The following PLEKHH2 variants were observed in gnomAD, a reference collection of about 807,000 sequenced individuals.
The protein encoded by PLEKHH2 is pleckstrin homology domain-containing family H member 2.
A neutral mutation model predicts 187.9 loss-of-function variants in PLEKHH2; 129 were observed. That is an observed-to-expected ratio of 0.69 (90% CI 0.59 to 0.79). The LOEUF (loss-of-function observed/expected upper bound fraction) is 0.79. Ranked by LOEUF, PLEKHH2 falls within the 30% of genes least tolerant of loss-of-function variation. The pLI is 0.00. For synonymous variants in PLEKHH2, 686 were observed against 605.6 expected (o/e 1.13, Z -1.95); for missense variants, 2,076 against 1,751.2 (o/e 1.19, Z -3.31).
At chr2:43,731,684 C>T (rs572422796) in intron 19 of PLEKHH2, 82 bp downstream of exon 19, 3 of 953,928 alleles carry the variant, frequency 3.1e-6, no homozygotes, top group East Asian at 5.9e-5. Context: ...TTAAAAATAA[C>T]ATTTTGGGTT....
At chr2:43,723,797 G>C (rs560137814) in intron 16 of PLEKHH2, among the ~76,000 whole-genome samples, 1 of 152,298 alleles carries the variant, frequency 6.6e-6, no homozygotes, top group Admixed American at 6.5e-5. Flanking sequence ...AGGGCTTTGA[G>C]CGGAACAGGG....
At chr2:43,666,571 T>C (rs1667228309) in intron 2 of PLEKHH2, among the ~76,000 whole-genome samples, 1 of 152,226 alleles carries the variant, frequency 6.6e-6, no homozygotes, top group Non-Finnish European at 1.5e-5. Flanking sequence ...TTCCTACCAG[T>C]AATGCTTGAG....
intron 2 of PLEKHH2, chr2:43,675,495 A>G (rs1262377972): frequency 6.2e-6 from 10 of 1,614,020 alleles, no homozygotes; most frequent in Non-Finnish European, 5.9e-6. Context: ...GGGTCAGTCC[A>G]TTGAAAGTAA....
chr2:43,763,642 G>A lies in PLEKHH2; in HGVS notation c.4159-586G>A, dbSNP rs149869363. 9.2e-3 allele frequency among the ~76,000 whole-genome samples: 1,384 copies of A among 150,654 alleles called. 19 individuals carry two copies. The highest frequency in any genetic ancestry group is 0.033 in the African/African-American group (1,338 of 40,832). ...GGTCTCCCTATGTTGCCCAGGCTAG[G>A]CTCAAGTGATCCTCCCACCTCAGCC... On this transcript the variant is annotated intron_variant, in intron 28 of 29. Transcript: ENST00000282406.
intron 8 of PLEKHH2, among the ~76,000 whole-genome samples, chr2:43,701,629 A>G (rs7573490): frequency 0.27 from 41,140 of 151,718 alleles, 6,274 homozygotes; most frequent in African/African-American, 0.4. Context: ...TTTCCAAAGT[A>G]TCTTTCTACA....
intron 14 of PLEKHH2, 68 bp from the exon 15 acceptor site, chr2:43,712,157 A>G: frequency 6.5e-7 from 1 of 1,545,850 alleles, no homozygotes; most frequent in Non-Finnish European, 8.9e-7. Context: ...TGAATAATGA[A>G]CAAGGAAATG....
At chr2:43,691,283 G>A (rs752589007) in intron 3 of PLEKHH2, among the ~76,000 whole-genome samples, 7 of 152,248 alleles carry the variant, frequency 4.6e-5, no homozygotes, top group South Asian at 2.1e-4. Flanking sequence ...GCTTTTAGCG[G>A]AGAGGGGATG....
chr2:43,747,110 C>CTG (rs1671815723), intron 24 of PLEKHH2, among the ~76,000 whole-genome samples: 1 of 71,890 alleles, frequency 1.4e-5, no homozygotes, highest in African/African-American at 6.7e-5. Flanking sequence ...CTCTCTCTCC[C>CTG]TCTCTCTCTC....
rs1669887895 is a variant in PLEKHH2, at chr2:43,710,223, C to A, written c.2107C>A (p.Pro703Thr). Residue 703 changes from proline to threonine, a missense_variant, in exon 13 of 30, where the codon CCA becomes ACA. Coordinates refer to ENST00000282406, the MANE Select transcript of PLEKHH2 (RefSeq NM_172069.4). ...SSSSDNGKNE[P>T]LEKSGYLLKM... ...TTGTCTATCTTTTAAAAATTAGGAA[C>A]CACTGGAAAAATCTGGTTATTTATT... 1.2e-6 allele frequency: 2 copies of A among 1,613,592 alleles called. No individual in the cohort carries two copies. Among genetic ancestry groups the A allele is most frequent in the African/African-American group, 1.3e-5 (1 of 74,984 alleles).
intron 8 of PLEKHH2, among the ~76,000 whole-genome samples, chr2:43,701,736 GAAATA>G (rs1353912582): frequency 1.4e-5 from 2 of 146,712 alleles, no homozygotes; most frequent in Non-Finnish European, 3.0e-5. Context: ...TCCAATATTT[GAAATA>G]AAATGAAATG....
intron 2 of PLEKHH2, chr2:43,675,724 T>C: frequency 6.2e-7 from 1 of 1,613,932 alleles, no homozygotes; most frequent in Non-Finnish European, 8.5e-7. Flanking sequence ...CTCAGAGTTA[T>C]CGAGAAGTCT....
intron 14 of PLEKHH2, chr2:43,711,188 T>C: frequency 1.0e-6 from 1 of 985,570 alleles, no homozygotes; most frequent in Non-Finnish European, 1.2e-6. Context: ...ACTTTATTTC[T>C]GAAATGTCTT....
chr2:43,652,306 G>A (rs1666516390), intron 2 of PLEKHH2, among the ~76,000 whole-genome samples: 1 of 152,166 alleles, frequency 6.6e-6, no homozygotes. Flanking sequence ...AGTCTTTCAT[G>A]TCACTCCGCC....
At position 43,729,696 on chromosome 2, in the gene PLEKHH2, T is replaced by G. The variant is rs1165622286; in HGVS notation, c.2781T>G (p.Ser927=). ...AAGSNNVNVG[S]EFEQLVCKLL... ...GAAGCAACAATGTAAACGTTGGATCTGAATTTGAACAACTGGTTTGCAAAT... is the reference window on the plus strand; with the variant it reads ...GAAGCAACAATGTAAACGTTGGATCGGAATTTGAACAACTGGTTTGCAAAT... The change falls in exon 18 of 30, where the codon TCT becomes TCG. Residue 927 remains serine, a synonymous_variant. Transcript: ENST00000282406. 6.2e-7 allele frequency: 1 copy of G among 1,609,846 alleles called. No homozygotes were observed. Among genetic ancestry groups the G allele is most frequent in the Non-Finnish European group, 8.5e-7 (1 of 1,178,726 alleles).
At chr2:43,655,494 T>C (rs1392292608) in intron 2 of PLEKHH2, among the ~76,000 whole-genome samples, 2 of 152,216 alleles carry the variant, frequency 1.3e-5, no homozygotes. Context: ...ATTTGAACTT[T>C]CATGAAGCTC....
chr2:43,754,753 A>G (rs1161391005), intron 25 of PLEKHH2, among the ~76,000 whole-genome samples: 2 of 152,086 alleles, frequency 1.3e-5, no homozygotes, highest in African/African-American at 4.8e-5. Context: ...TCTTCACGCT[A>G]CACTCTGTCC....
chr2:43,667,221 C>G (rs1667262019), intron 2 of PLEKHH2, among the ~76,000 whole-genome samples: 1 of 152,198 alleles, frequency 6.6e-6, no homozygotes, highest in Non-Finnish European at 1.5e-5. Context: ...ACTCTCTCCT[C>G]TCTCCTTTTA....
chr2:43,638,925 A>C (rs575283938), intron 1 of PLEKHH2, among the ~76,000 whole-genome samples: 13 of 152,314 alleles, frequency 8.5e-5, no homozygotes, highest in South Asian at 2.1e-4. Context: ...ATTAATAGGG[A>C]ATGTAGATGT....
chr2:43,676,697 A>C (rs766904603), intron 2 of PLEKHH2, among the ~76,000 whole-genome samples: 5 of 152,168 alleles, frequency 3.3e-5, no homozygotes, highest in Non-Finnish European at 5.9e-5. Context: ...CTGGTACAAC[A>C]CATCCCGTAT....
Sources: allele counts gnomAD v4.1 joint callset (sites outside exome capture counted in the v4.1 genomes callset), GRCh38; gene constraint gnomAD v4.1.1; transcripts MANE v1.5; gene names NCBI Gene and HGNC (gene_info 2026-07-23, HGNC 2026-07-21).